Variants in CPNE8 observed in about 807,000 individuals in gnomAD.
CPNE8 encodes the protein copine-8.
In CPNE8, 45 loss-of-function variants were observed where a neutral mutation model predicts 81.5. The ratio of observed to expected loss-of-function variants is 0.55; its 90% CI spans 0.44 to 0.71. The LOEUF (loss-of-function observed/expected upper bound fraction) is 0.71, where lower values mean the gene tolerates loss of function less well. Ranked by LOEUF, CPNE8 falls within the 30% of genes least tolerant of loss-of-function variation. The probability of loss-of-function intolerance (pLI) is 0.00; values close to 1 mark genes in which losing one functional copy is unlikely to be tolerated. For synonymous variants in CPNE8, 252 were observed against 226.3 expected (o/e 1.11, Z -1.02); for missense variants, 594 against 672.1 (o/e 0.88, Z 1.28).
rs1383973467 is a variant in CPNE8, at chr12:38,905,423, G to A, written c.98+14C>T. On this transcript the variant is annotated intron_variant, in intron 1 of 19. Transcript: ENST00000331366. ...ATGAGAGGGCAGGAGAGAGGGGAAG[G>A]GCTGCGTCCTCACCTGCAGGACACG... The A allele has an allele frequency of 2.6e-6, 4 of 1,553,322 alleles. No homozygotes were observed. The African/African-American group carries it at 4.1e-5, about 16-fold the overall frequency.
chr12:38,696,046 A>C (rs1939787436), intron 14 of CPNE8, among the ~76,000 whole-genome samples: 1 of 152,216 alleles, frequency 6.6e-6, no homozygotes, highest in Non-Finnish European at 1.5e-5. Flanking sequence ...AAATACTTTT[A>C]CTTCACTATG....
intron 3 of CPNE8, among the ~76,000 whole-genome samples, chr12:38,860,232 C>CAA (rs368210026): frequency 5.6e-5 from 8 of 143,064 alleles, no homozygotes; most frequent in Non-Finnish European, 9.2e-5. Context: ...TAAAAATAGG[C>CAA]AAAAAAAAAA....
chr12:38,748,135 C>T (rs138552685), intron 10 of CPNE8, among the ~76,000 whole-genome samples: 2,103 of 152,036 alleles, frequency 0.014, 17 homozygotes, highest in Middle Eastern at 0.024. Flanking sequence ...CTCAGCCTCC[C>T]GAGTAGCTGG....
chr12:38,798,308 G>C (rs531641768), intron 6 of CPNE8, among the ~76,000 whole-genome samples: 1 of 152,062 alleles, frequency 6.6e-6, no homozygotes, highest in Non-Finnish European at 1.5e-5. Flanking sequence ...AGAAAGGTCG[G>C]GTTACCCACA....
chr12:38,729,538 A>G lies in CPNE8; in HGVS notation c.798+745T>C, dbSNP rs529903871. Among the ~76,000 whole-genome samples the G allele has an allele frequency of 3.9e-5, 6 of 152,188 alleles. No homozygotes were observed. In the East Asian group the frequency reaches 5.8e-4, roughly 15 times the overall value. On this transcript the variant is annotated intron_variant, in intron 11 of 19. Coordinates refer to ENST00000331366, the MANE Select transcript of CPNE8 (RefSeq NM_153634.3). ...AAAATTGTTTTGTGAATGAATAAAT[A>G]AATGCTGGAATAAAGTGGTAGAAGG...
chr12:38,746,879 T>C (rs1320144312), intron 10 of CPNE8, among the ~76,000 whole-genome samples: 1 of 152,260 alleles, frequency 6.6e-6, no homozygotes, highest in Non-Finnish European at 1.5e-5. Flanking sequence ...AGATGGTTTT[T>C]GTCTCCCGAA....
intron 7 of CPNE8, among the ~76,000 whole-genome samples, chr12:38,774,690 A>T (rs1362520177): frequency 6.6e-6 from 1 of 152,050 alleles, no homozygotes; most frequent in African/African-American, 2.4e-5. Context: ...TAAAACACAG[A>T]GTAAGTAGTC....
intron 15 of CPNE8, among the ~76,000 whole-genome samples, chr12:38,692,765 C>G (rs1939706071): frequency 6.6e-6 from 1 of 152,172 alleles, no homozygotes; most frequent in Non-Finnish European, 1.5e-5. Context: ...TGGTACATTA[C>G]AGAGAGCCAC....
At chr12:38,792,841 A>G (rs1292107497) in intron 6 of CPNE8, among the ~76,000 whole-genome samples, 1 of 151,896 alleles carries the variant, frequency 6.6e-6, no homozygotes, top group East Asian at 1.9e-4. Context: ...TCAACAAAAT[A>G]CTGGCAAACT....
At chr12:38,654,331 C>T (rs950256150) in intron 19 of CPNE8, among the ~76,000 whole-genome samples, 1 of 151,854 alleles carries the variant, frequency 6.6e-6, no homozygotes, top group African/African-American at 2.4e-5. Flanking sequence ...GCCTGACCAA[C>T]ATGGTGAAAC....
intron 3 of CPNE8, among the ~76,000 whole-genome samples, chr12:38,863,896 C>T (rs916386216): frequency 8.6e-5 from 13 of 151,116 alleles, no homozygotes; most frequent in African/African-American, 3.2e-4. Flanking sequence ...CTAAAAAATA[C>T]AAAAAAAATT....
intron 14 of CPNE8, among the ~76,000 whole-genome samples, chr12:38,699,450 G>GAGAACAGAGAAC (rs1565572896): frequency 1.3e-5 from 2 of 152,176 alleles, no homozygotes; most frequent in African/African-American, 4.8e-5. Context: ...ACTGATAACT[G>GAGAACAGAGAAC]ATAACTCTGT....
chr12:38,707,972 C>T (rs1462541274), intron 13 of CPNE8, among the ~76,000 whole-genome samples: 1 of 152,174 alleles, frequency 6.6e-6, no homozygotes, highest in African/African-American at 2.4e-5. Context: ...CAGAGCAAAA[C>T]TCCAGCTTTA....
intron 3 of CPNE8, among the ~76,000 whole-genome samples, chr12:38,862,275 C>T (rs1319801177): frequency 6.7e-6 from 1 of 150,370 alleles, no homozygotes; most frequent in Non-Finnish European, 1.5e-5. Context: ...ATATTATAAT[C>T]ATTATATATT....
intron 13 of CPNE8, among the ~76,000 whole-genome samples, chr12:38,723,102 T>C (rs1349273904): frequency 6.6e-6 from 1 of 152,138 alleles, no homozygotes; most frequent in African/African-American, 2.4e-5. Context: ...TTCGGGGTAG[T>C]TTCTTTATAG....
At chr12:38,807,435 A>C (rs1008221804) in intron 6 of CPNE8, among the ~76,000 whole-genome samples, 1 of 151,950 alleles carries the variant, frequency 6.6e-6, no homozygotes, top group Non-Finnish European at 1.5e-5. Flanking sequence ...CAGAGCCCTC[A>C]GAAATAACAC....
chr12:38,899,002 TAA>T (rs1024360127), intron 1 of CPNE8, among the ~76,000 whole-genome samples: 6 of 152,280 alleles, frequency 3.9e-5, no homozygotes, highest in African/African-American at 1.4e-4. Context: ...GGGAGAAATT[TAA>T]AAGTCTCTAA....
intron 10 of CPNE8, among the ~76,000 whole-genome samples, chr12:38,742,145 A>G (rs1353500959): frequency 1.3e-5 from 2 of 152,130 alleles, no homozygotes; most frequent in Non-Finnish European, 2.9e-5. Context: ...AACTAGAAAT[A>G]CCATTTGACC....
intron 3 of CPNE8, 58 bp downstream of exon 3, chr12:38,872,946 G>T: frequency 1.0e-6 from 1 of 965,018 alleles, no homozygotes; most frequent in Non-Finnish European, 1.7e-6. Flanking sequence ...TCTTGATCAA[G>T]TTATAACTTA....
Sources: allele counts gnomAD v4.1 joint callset (sites outside exome capture counted in the v4.1 genomes callset), GRCh38; gene constraint gnomAD v4.1.1; transcripts MANE v1.5; gene names NCBI Gene and HGNC (gene_info 2026-07-23, HGNC 2026-07-21).